Variants in CCNY observed in about 807,000 individuals in gnomAD.
CCNY encodes the protein cyclin Y.
CCNY carries 19 observed loss-of-function variants against 42.8 expected under a neutral mutation model. The observed-to-expected ratio is 0.44, with a 90% CI of 0.31 to 0.65. The LOEUF is 0.65. CCNY is among the 30% of genes least tolerant of loss of function. The pLI is 0.07. For synonymous variants in CCNY, 165 were observed against 162.7 expected, an observed-to-expected ratio of 1.01 and a Z score of -0.11; for missense variants, 370 against 437.3, an observed-to-expected ratio of 0.85 and a Z score of 1.37.
At chr10:35,459,255 C>G (rs771843012) in intron 1 of CCNY, among the ~76,000 whole-genome samples, 3 of 152,214 alleles carry the variant, frequency 2.0e-5, no homozygotes, top group Non-Finnish European at 4.4e-5. Flanking sequence ...GCGCTGCTGT[C>G]TGAGAGGCCA....
chr10:35,248,004 G>A (rs997419491), intron 1 of CCNY: 7 of 152,088 alleles, frequency 4.6e-5, no homozygotes, highest in African/African-American at 9.7e-5. Context: ...CAGAGCCATC[G>A]GAAGGGGTGC....
intron 1 of CCNY, among the ~76,000 whole-genome samples, chr10:35,428,458 T>A (rs1471888895): frequency 6.6e-6 from 1 of 152,136 alleles, no homozygotes; most frequent in Non-Finnish European, 1.5e-5. Flanking sequence ...AGCGTGCACA[T>A]GTGTGTGTGC....
chr10:35,358,098 ACTTTTTTG>A (rs1836599097), intron 1 of CCNY, among the ~76,000 whole-genome samples: 2 of 152,158 alleles, frequency 1.3e-5, no homozygotes, highest in Admixed American at 1.3e-4. Flanking sequence ...TGGAAAATGC[ACTTTTTTG>A]CTTTTTTTGC....
chr10:35,314,538 A>G (rs1426043261), intron 3 of CCNY: 1 of 152,224 alleles, frequency 6.6e-6, no homozygotes, highest in Non-Finnish European at 1.5e-5. Flanking sequence ...GGCAAAACAT[A>G]TCACACCATT....
At chr10:35,281,171 C>T (rs543031533) in intron 3 of CCNY, among the ~76,000 whole-genome samples, 1 of 152,278 alleles carries the variant, frequency 6.6e-6, no homozygotes, top group East Asian at 1.9e-4. Context: ...GGAAAACAGG[C>T]ACTCCTTTAA....
intron 7 of CCNY, among the ~76,000 whole-genome samples, chr10:35,543,377 C>T (rs986964891): frequency 3.3e-5 from 5 of 152,298 alleles, no homozygotes; most frequent in Non-Finnish European, 5.9e-5. Context: ...GTTGATCCCC[C>T]AGCAATGAGC....
intron 1 of CCNY, among the ~76,000 whole-genome samples, chr10:35,343,009 T>G (rs1836218130): frequency 6.6e-6 from 1 of 150,644 alleles, no homozygotes; most frequent in South Asian, 2.1e-4. Context: ...CCTTTTTTTT[T>G]TTTTTTTTTT....
At position 35,530,989 on chromosome 10, in the gene CCNY, A is replaced by C. The variant is rs1267113119; in HGVS notation, c.579+746A>C. ...GAAGGCTGAGGTGAAAGGATCACTT[A>C]AGCCCAGGAGGTCAGGCTGCAGTGA... On this transcript the variant is annotated intron_variant, in intron 7 of 9. Coordinates refer to ENST00000374704, the MANE Select transcript of CCNY (RefSeq NM_145012.6). This position sits in a 1 kb window ranked among gnomAD's most constrained non-coding sequence, Gnocchi z 4.3. Among the ~76,000 whole-genome samples the C allele has an allele frequency of 6.6e-6, 1 of 152,176 alleles. No homozygotes were observed. The highest frequency in any genetic ancestry group is 2.4e-5 in the African/African-American group (1 of 41,440).
intron 3 of CCNY, among the ~76,000 whole-genome samples, chr10:35,506,661 G>A (rs564818089): frequency 6.6e-6 from 1 of 152,326 alleles, no homozygotes; most frequent in African/African-American, 2.4e-5. Flanking sequence ...GCAGCCGACA[G>A]GTGGAATTGC....
At chr10:35,298,835 T>C (rs1835501437) in intron 3 of CCNY, among the ~76,000 whole-genome samples, 2 of 152,210 alleles carry the variant, frequency 1.3e-5, no homozygotes, top group South Asian at 4.1e-4. Flanking sequence ...TTGTTGTTGT[T>C]TTTTTGTAAC....
chr10:35,485,505 C>T (rs1221532827), intron 2 of CCNY, among the ~76,000 whole-genome samples: 1 of 152,154 alleles, frequency 6.6e-6, no homozygotes, highest in Non-Finnish European at 1.5e-5. Flanking sequence ...GCGGGTGGAT[C>T]ACGAGGTCAG....
At chr10:35,560,183 G>A (rs145702073) in intron 8 of CCNY, among the ~76,000 whole-genome samples, 6 of 152,216 alleles carry the variant, frequency 3.9e-5, no homozygotes, top group East Asian at 1.9e-4. Flanking sequence ...GAGATGGAGC[G>A]GGAATGCATT....
At chr10:35,475,306 C>T (rs1017394110) in intron 1 of CCNY, among the ~76,000 whole-genome samples, 7 of 151,996 alleles carry the variant, frequency 4.6e-5, no homozygotes, top group South Asian at 2.1e-4. Flanking sequence ...AGATACTCCT[C>T]GAGAAGAGCA....
chr10:35,377,841 T>C lies in CCNY; in HGVS notation c.154+40634T>C, dbSNP rs115954649. On this transcript the variant is annotated intron_variant, in intron 1 of 9. Transcript: ENST00000374704. Reference sequence around the variant, plus strand: ...GAAGAGTAGCATTACCTTACATTTCTATTATATCTTTAATGTCTGGTTAGT... The same window carrying C: ...GAAGAGTAGCATTACCTTACATTTCCATTATATCTTTAATGTCTGGTTAGT... Among the ~76,000 whole-genome samples, 1,072 of 152,372 alleles carry C rather than the reference T, an allele frequency of 7.0e-3. 11 individuals carry two copies. The highest frequency in any genetic ancestry group is 0.025 in the African/African-American group (1,023 of 41,586).
chr10:35,370,154 G>T (rs868829987), intron 1 of CCNY, among the ~76,000 whole-genome samples: 20 of 143,280 alleles, frequency 1.4e-4, no homozygotes, highest in Admixed American at 4.2e-4. Context: ...ACATATCCAT[G>T]TTTTTTTTTT....
intron 7 of CCNY, among the ~76,000 whole-genome samples, chr10:35,540,340 T>G (rs1840973516): frequency 6.6e-6 from 1 of 152,236 alleles, no homozygotes; most frequent in East Asian, 1.9e-4. Flanking sequence ...ATCATGTAGT[T>G]TTTGTCTTTT....
intron 1 of CCNY, among the ~76,000 whole-genome samples, chr10:35,447,326 G>A (rs1307882714): frequency 6.6e-6 from 1 of 152,194 alleles, no homozygotes; most frequent in Non-Finnish European, 1.5e-5. Flanking sequence ...TTAACACGTG[G>A]CTTTGTAAGC....
At chr10:35,519,602 C>T (rs1323731485) in intron 4 of CCNY, among the ~76,000 whole-genome samples, 2 of 151,258 alleles carry the variant, frequency 1.3e-5, no homozygotes, top group Non-Finnish European at 1.5e-5. Context: ...AAATGAACTG[C>T]GGGTTAGAAT....
intron 1 of CCNY, among the ~76,000 whole-genome samples, chr10:35,445,304 C>T (rs1838766725): frequency 6.6e-6 from 1 of 152,216 alleles, no homozygotes; most frequent in Admixed American, 6.5e-5. Context: ...CCACTCTCCA[C>T]CCATGCAGAC....
Sources: allele counts gnomAD v4.1 joint callset (sites outside exome capture counted in the v4.1 genomes callset), GRCh38; gene constraint gnomAD v4.1.1; non-coding constraint Gnocchi (gnomAD v3.1); transcripts MANE v1.5; gene names NCBI Gene and HGNC (gene_info 2026-07-23, HGNC 2026-07-21).